ZMIZ1: variants seen among roughly 807,000 people sequenced by gnomAD.
ZMIZ1 encodes the protein zinc finger MIZ domain-containing protein 1.
ZMIZ1 carries 17 observed loss-of-function variants against 113.9 expected under a neutral mutation model. The ratio of observed to expected loss-of-function variants is 0.15; its 90% CI spans 0.10 to 0.22. ZMIZ1 has a LOEUF of 0.22. Among genes scored for constraint, ZMIZ1 ranks in the 10% least tolerant of loss-of-function variants. The probability of loss-of-function intolerance (pLI) is 1.00; values close to 1 mark genes in which losing one functional copy is unlikely to be tolerated. For missense variants in ZMIZ1, 1,059 were observed against 1,477.8 expected (o/e 0.72, Z 4.65); for synonymous variants, 607 against 603.1 (o/e 1.01, Z -0.09).
chr10:79,168,222 G>A (rs1846441551), intron 4 of ZMIZ1, among the ~76,000 whole-genome samples: 1 of 152,190 alleles, frequency 6.6e-6, no homozygotes, highest in African/African-American at 2.4e-5. Flanking sequence ...TCAGGTGCTC[G>A]TCTCCGTCCA....
Position 79,208,422 on chromosome 10 carries a change from C to A in ZMIZ1, c.147C>A (p.Phe49Leu). The change falls in exon 6 of 25, where the codon TTC (phenylalanine) becomes TTA (leucine). Residue 49 changes from phenylalanine (F) to leucine (L), a missense_variant. By Grantham distance (22) the Phe-to-Leu change is conservative (BLOSUM62 0). Coordinates refer to ENST00000334512, the MANE Select transcript of ZMIZ1 (RefSeq NM_020338.4). ...ACCCACGGGCCTTCCAGCGGCCCTTCGAGCAGAGCCTGATGGGCTGTTTGA... is the reference window on the plus strand; with the variant it reads ...ACCCACGGGCCTTCCAGCGGCCCTTAGAGCAGAGCCTGATGGGCTGTTTGA... ...CGDPRAFQRP[F>L]EQSLMGCLTV... 6.2e-7 allele frequency: 1 copy of A among 1,613,950 alleles called. No individual in the cohort carries two copies. Among genetic ancestry groups the A allele is most frequent in the East Asian group, 2.2e-5 (1 of 44,888 alleles).
chr10:79,265,454 C>CAT (rs1471049422), intron 7 of ZMIZ1, among the ~76,000 whole-genome samples: 1 of 145,622 alleles, frequency 6.9e-6, no homozygotes, highest in African/African-American at 2.6e-5. Flanking sequence ...CAGACAACTC[C>CAT]TTTTTTTTCT....
intron 4 of ZMIZ1, among the ~76,000 whole-genome samples, chr10:79,171,647 T>G (rs1846608217): frequency 6.6e-6 from 1 of 152,218 alleles, no homozygotes; most frequent in Non-Finnish European, 1.5e-5. Context: ...AAATTTGTGA[T>G]GCACCGTGTC....
chr10:79,111,916 G>A (rs1384381915), intron 1 of ZMIZ1, among the ~76,000 whole-genome samples: 1 of 152,256 alleles, frequency 6.6e-6, no homozygotes, highest in Non-Finnish European at 1.5e-5. Flanking sequence ...ATTCAGTCTA[G>A]TGTAAAGTGT....
intron 7 of ZMIZ1, among the ~76,000 whole-genome samples, chr10:79,239,322 C>T (rs1326901391): frequency 1.3e-5 from 2 of 148,744 alleles, no homozygotes; most frequent in Admixed American, 1.3e-4. Flanking sequence ...TGAATGCCCA[C>T]TCTATGCTCT....
At chr10:79,219,345 G>A (rs11002879) in intron 7 of ZMIZ1, among the ~76,000 whole-genome samples, 3 of 152,212 alleles carry the variant, frequency 2.0e-5, no homozygotes, top group Non-Finnish European at 4.4e-5. Flanking sequence ...TTTTGTGGTG[G>A]TGCCAAGCTT....
chr10:79,069,350 T>TG lies in ZMIZ1; in HGVS notation c.-337+84dup, dbSNP rs962960432. 3 of 149,530 alleles carry TG rather than the reference T, an allele frequency of 2.0e-5. No homozygotes were observed. The highest frequency in any genetic ancestry group is 4.5e-5 in the Non-Finnish European group (3 of 67,140). The allele number at this position is 149,530 out of a possible 1,614,324, so 9.3% of individuals were successfully genotyped here. ...CCCGGGGACTCTCGGGGTGCAAGCG[T>TG]GGGGATTGGGTGCTGGGGTTTTTCC... On this transcript the variant is annotated intron_variant, in intron 1 of 24. Coordinates refer to ENST00000334512, the MANE Select transcript of ZMIZ1 (RefSeq NM_020338.4). The surrounding 1 kb of genome is among the most constrained non-coding windows in gnomAD (Gnocchi z 4.6).
intron 4 of ZMIZ1, among the ~76,000 whole-genome samples, chr10:79,185,024 TATTTTTGCAGAGCCAAC>T (rs1847293984): frequency 6.6e-6 from 1 of 152,194 alleles, no homozygotes; most frequent in South Asian, 2.1e-4. Context: ...CCAGAGCCCA[TATTTTTGCAGAGCCAAC>T]ATTTTTGCAC....
intron 2 of ZMIZ1, among the ~76,000 whole-genome samples, chr10:79,138,588 A>G (rs1296519594): frequency 2.0e-5 from 3 of 152,140 alleles, no homozygotes; most frequent in Non-Finnish European, 4.4e-5. Context: ...GCAGCACACC[A>G]TGGCTCTGAC....
At chr10:79,072,888 GC>G (rs1842337903) in intron 1 of ZMIZ1, among the ~76,000 whole-genome samples, 1 of 152,338 alleles carries the variant, frequency 6.6e-6, no homozygotes, top group Non-Finnish European at 1.5e-5. Context: ...AGTGCTCTCT[GC>G]TCATGCCCTT....
intron 7 of ZMIZ1, among the ~76,000 whole-genome samples, chr10:79,254,729 G>A (rs999155137): frequency 2.0e-5 from 3 of 152,204 alleles, no homozygotes; most frequent in African/African-American, 7.2e-5. Flanking sequence ...AAATTTGAAG[G>A]GCAGTTTAGA....
chr10:79,274,599 C>T (rs1172685571), intron 7 of ZMIZ1, among the ~76,000 whole-genome samples: 1 of 149,976 alleles, frequency 6.7e-6, no homozygotes, highest in African/African-American at 2.4e-5. Flanking sequence ...ACACGCACAA[C>T]ATCCACTGCC....
chr10:79,142,712 C>T (rs1225827823), intron 3 of ZMIZ1, among the ~76,000 whole-genome samples: 2 of 152,214 alleles, frequency 1.3e-5, no homozygotes, highest in African/African-American at 2.4e-5. Flanking sequence ...TCACCCTGGC[C>T]GGCACTCCCT....
intron 4 of ZMIZ1, among the ~76,000 whole-genome samples, chr10:79,190,245 G>A (rs111795697): frequency 1.5e-4 from 23 of 152,350 alleles, no homozygotes; most frequent in African/African-American, 5.5e-4. Flanking sequence ...TGAGCTGTCT[G>A]TGGGCTGACC....
chr10:79,140,939 C>T (rs754809335), intron 3 of ZMIZ1, among the ~76,000 whole-genome samples: 1 of 151,852 alleles, frequency 6.6e-6, no homozygotes, highest in Non-Finnish European at 1.5e-5. Flanking sequence ...TGCACCGCCA[C>T]GCCCAGCTGA....
chr10:79,200,681 T>C (rs1848036993), intron 4 of ZMIZ1, among the ~76,000 whole-genome samples: 1 of 152,156 alleles, frequency 6.6e-6, no homozygotes, highest in Non-Finnish European at 1.5e-5. Context: ...AGTTTCTTTA[T>C]CTAGAAAATG....
intron 3 of ZMIZ1, among the ~76,000 whole-genome samples, chr10:79,147,182 G>A (rs982619040): frequency 3.3e-5 from 5 of 152,172 alleles, no homozygotes; most frequent in Non-Finnish European, 7.3e-5. Flanking sequence ...TTGGGCCTCA[G>A]AATCTGGTAT....
At chr10:79,203,145 C>T (rs929040163) in intron 5 of ZMIZ1, among the ~76,000 whole-genome samples, 2 of 152,170 alleles carry the variant, frequency 1.3e-5, no homozygotes, top group Non-Finnish European at 2.9e-5. Context: ...AGGCAGAACT[C>T]ACAGCCCCCT....
chr10:79,299,279 AG>A, intron 16 of ZMIZ1, 88 bp downstream of exon 16: 2 of 1,499,380 alleles, frequency 1.3e-6, no homozygotes, highest in Non-Finnish European at 8.9e-7. Context: ...GGCCCTGGGC[AG>A]GGGGTAGCAG....
Sources: gnomAD v4.1 joint callset for allele counts (sites outside exome capture counted in the v4.1 genomes callset) on GRCh38, gnomAD v4.1.1 for gene constraint, Gnocchi (gnomAD v3.1) non-coding constraint, MANE v1.5 for transcripts, NCBI Gene and HGNC (gene_info 2026-07-23, HGNC 2026-07-21) for gene names.